MAP2: variants seen among roughly 807,000 people sequenced by gnomAD.
MAP2 encodes the protein microtubule-associated protein 2.
A neutral mutation model predicts 137.6 loss-of-function variants in MAP2; 14 were observed. The observed-to-expected ratio is 0.10, with a 90% confidence interval of 0.07 to 0.16. The LOEUF (loss-of-function observed/expected upper bound fraction) is 0.16. Among genes scored for constraint, MAP2 ranks in the 10% least tolerant of loss-of-function variants. The probability of loss-of-function intolerance (pLI) is 1.00; values close to 1 mark genes in which losing one functional copy is unlikely to be tolerated. For missense variants in MAP2, 2,088 were observed against 2,191.5 expected (o/e 0.95, Z 0.94); for synonymous variants, 786 against 782.3 (o/e 1.00, Z -0.08).
intron 2 of MAP2, among the ~76,000 whole-genome samples, chr2:209,541,565 A>T (rs1438056421): frequency 6.6e-6 from 1 of 151,752 alleles, no homozygotes; most frequent in East Asian, 1.9e-4. Flanking sequence ...CAGAACGTCA[A>T]ATTTGGAGTC....
At chr2:209,537,515 C>A (rs2066160728) in intron 2 of MAP2, among the ~76,000 whole-genome samples, 1 of 152,150 alleles carries the variant, frequency 6.6e-6, no homozygotes, top group African/African-American at 2.4e-5. Context: ...GTATGATTTT[C>A]TGGATAATGC....
intron 1 of MAP2, among the ~76,000 whole-genome samples, chr2:209,477,164 T>G (rs1707457786): frequency 6.6e-6 from 1 of 152,194 alleles, no homozygotes; most frequent in South Asian, 2.1e-4. Flanking sequence ...AGTGTTAGTT[T>G]CTGTGCTTTT....
chr2:209,574,104 T>C (rs1195394340), intron 2 of MAP2, among the ~76,000 whole-genome samples: 1 of 152,136 alleles, frequency 6.6e-6, no homozygotes, highest in Non-Finnish European at 1.5e-5. Context: ...CAGTACAATG[T>C]TATTACCTAT....
At chr2:209,519,203 A>G (rs1226276858) in intron 2 of MAP2, among the ~76,000 whole-genome samples, 2 of 152,114 alleles carry the variant, frequency 1.3e-5, no homozygotes, top group Non-Finnish European at 2.9e-5. Context: ...TATAAAAACC[A>G]AAAGAAATCT....
At chr2:209,574,403 T>C (rs2074953473) in intron 2 of MAP2, among the ~76,000 whole-genome samples, 1 of 150,924 alleles carries the variant, frequency 6.6e-6, no homozygotes, top group South Asian at 2.1e-4. Context: ...GGCAAGATCC[T>C]GTTCTTTTTT....
At chr2:209,470,557 T>C (rs1705411812) in intron 1 of MAP2, among the ~76,000 whole-genome samples, 1 of 151,978 alleles carries the variant, frequency 6.6e-6, no homozygotes, top group Non-Finnish European at 1.5e-5. Flanking sequence ...GTGATGTCAC[T>C]GAACTGCAGT....
In MAP2 at chr2:209,693,058, T is replaced by A. The variant is rs747265959; in HGVS notation, c.888T>A (p.Asp296Glu). The change falls in exon 8 of 16, where the codon GAT (aspartate) becomes GAA (glutamate). Residue 296 changes from aspartate (D) to glutamate (E), a missense_variant. Asp to Glu is a conservative substitution (Grantham distance 45). Coordinates refer to ENST00000682079, the MANE Select transcript of MAP2 (RefSeq NM_001375505.1). ...PGPLTPMREK[D>E]VFDDIPKWEG... ...CTCTGACTCCCATGAGGGAAAAAGATGTATTTGATGATATCCCAAAATGGG... is the reference window on the plus strand; with the variant it reads ...CTCTGACTCCCATGAGGGAAAAAGAAGTATTTGATGATATCCCAAAATGGG... The A allele has an allele frequency of 1.2e-6, 2 of 1,612,852 alleles. No homozygotes were observed. Among genetic ancestry groups the A allele is most frequent in the African/African-American group, 2.7e-5 (2 of 74,842 alleles).
At chr2:209,720,481 T>A (rs1348477215) in intron 13 of MAP2, among the ~76,000 whole-genome samples, 1 of 151,620 alleles carries the variant, frequency 6.6e-6, no homozygotes, top group Non-Finnish European at 1.5e-5. Flanking sequence ...TACTAAAAAA[T>A]ACAAAAAATT....
intron 13 of MAP2, among the ~76,000 whole-genome samples, chr2:209,722,675 C>T (rs2071712062): frequency 6.6e-6 from 1 of 152,132 alleles, no homozygotes; most frequent in African/African-American, 2.4e-5. Flanking sequence ...GTTCAAAAGA[C>T]ATATGAAAGA....
intron 2 of MAP2, among the ~76,000 whole-genome samples, chr2:209,522,514 T>A (rs768739886): frequency 6.6e-6 from 1 of 152,122 alleles, no homozygotes; most frequent in Admixed American, 6.6e-5. Context: ...AAATAATTTT[T>A]AAAAATAACT....
At chr2:209,660,536 G>T (rs1334143791) in intron 5 of MAP2, among the ~76,000 whole-genome samples, 1 of 147,192 alleles carries the variant, frequency 6.8e-6, no homozygotes, top group Non-Finnish European at 1.5e-5. Context: ...GGGACTACAG[G>T]CGCCCGCCAC....
chr2:209,693,111 C>G lies in MAP2; in HGVS notation c.941C>G (p.Pro314Arg). The G allele has an allele frequency of 2.5e-6, 4 of 1,612,840 alleles. No individual in the cohort carries two copies. The highest frequency in any genetic ancestry group is 3.4e-6 in the Non-Finnish European group (4 of 1,179,624). The stretch of plus-strand genomic sequence containing the variant: ...GGGAAACAGTTTGATTCTCCCATGC[C>G]AAGTCCCTTTCAAGGGGGAAGCTTC... ...WEGKQFDSPMPSPFQGGSFTL... is the reference protein window; with the variant it reads ...WEGKQFDSPMRSPFQGGSFTL... Residue 314 changes from proline to arginine, a missense_variant, in exon 8 of 16, where the codon CCA becomes CGA. Transcript: ENST00000682079.
At chr2:209,531,870 A>G (rs754006727) in intron 2 of MAP2, among the ~76,000 whole-genome samples, 48 of 152,154 alleles carry the variant, frequency 3.2e-4, no homozygotes, top group Non-Finnish European at 6.0e-4. Context: ...TATTGAGAAA[A>G]GGTGTCTTTA....
chr2:209,646,622 C>G (rs754459787), intron 4 of MAP2, among the ~76,000 whole-genome samples: 10 of 152,220 alleles, frequency 6.6e-5, no homozygotes, highest in South Asian at 2.1e-4. Flanking sequence ...ACCTACCCAT[C>G]AGCTACAAAA....
intron 1 of MAP2, among the ~76,000 whole-genome samples, chr2:209,496,715 C>T (rs1443445391): frequency 6.6e-6 from 1 of 152,154 alleles, no homozygotes; most frequent in Admixed American, 6.5e-5. Flanking sequence ...TAAGAATGTA[C>T]TGGGAGTCTG....
At chr2:209,445,155 G>A (rs566459461) in intron 1 of MAP2, among the ~76,000 whole-genome samples, 20 of 151,496 alleles carry the variant, frequency 1.3e-4, no homozygotes, top group African/African-American at 3.4e-4. Context: ...GCTCCAAAGC[G>A]GCTTCCACAT....
At chr2:209,570,512 A>G (rs924918124) in intron 2 of MAP2, among the ~76,000 whole-genome samples, 11 of 151,922 alleles carry the variant, frequency 7.2e-5, no homozygotes, top group African/African-American at 2.7e-4. Flanking sequence ...GTTCTTAATC[A>G]TTTTATCAGA....
At chr2:209,573,298 G>GGTTGTTTTTTTTTTTT (rs770132978) in intron 2 of MAP2, among the ~76,000 whole-genome samples, 1 of 120,070 alleles carries the variant, frequency 8.3e-6, no homozygotes, top group African/African-American at 3.3e-5. Context: ...TTCTTTTTCT[G>GGTTGTTTTTTTTTTTT]TTTTTTTTTT....
In MAP2 at chr2:209,464,194, G is replaced by T. The variant is rs141115404; in HGVS notation, c.-222+39918G>T. Among the ~76,000 whole-genome samples the T allele has an allele frequency of 1.1e-3, 170 of 152,196 alleles. No homozygotes were observed. The Middle Eastern group carries it at 0.014, about 12-fold the overall frequency. On this transcript the variant is annotated intron_variant, in intron 1 of 15. Transcript: ENST00000682079. ...ATTGAAATGGTTCACTAAAATAGAT[G>T]ATTATATCTCAGTATAAAGAAAAAA...
Sources: gnomAD v4.1 joint callset for allele counts (sites outside exome capture counted in the v4.1 genomes callset) on GRCh38, gnomAD v4.1.1 for gene constraint, MANE v1.5 for transcripts, NCBI Gene and HGNC (gene_info 2026-07-23, HGNC 2026-07-21) for gene names.